The following TNRC6B variants were observed in gnomAD, a reference collection of about 807,000 sequenced individuals.
TNRC6B encodes trinucleotide repeat-containing gene 6B protein.
A neutral mutation model predicts 203.6 loss-of-function variants in TNRC6B; 52 were observed. The observed-to-expected ratio is 0.26, with a 90% CI of 0.20 to 0.32. The LOEUF (loss-of-function observed/expected upper bound fraction) is 0.32, where lower values mean the gene tolerates loss of function less well. TNRC6B is among the 10% of genes least tolerant of loss of function. The pLI is 1.00. For missense variants in TNRC6B, 1,923 were observed against 2,286.2 expected (o/e 0.84, Z 3.24); for synonymous variants, 838 against 845.7 (o/e 0.99, Z 0.16).
At chr22:40,130,794 A>C (rs1006323413) in intron 3 of TNRC6B, among the ~76,000 whole-genome samples, 3 of 151,682 alleles carry the variant, frequency 2.0e-5, no homozygotes, top group Admixed American at 6.6e-5. Flanking sequence ...AAAAAAAAAA[A>C]AAAAAAAAAT....
intron 1 of TNRC6B, among the ~76,000 whole-genome samples, chr22:40,084,608 G>A (rs920683152): frequency 6.6e-6 from 1 of 152,190 alleles, no homozygotes; most frequent in African/African-American, 2.4e-5. Context: ...CTGAGGAGGT[G>A]CTATTTATGC....
chr22:40,069,177 A>AT (rs1402443180), intron 1 of TNRC6B, among the ~76,000 whole-genome samples: 1 of 152,084 alleles, frequency 6.6e-6, no homozygotes, highest in Non-Finnish European at 1.5e-5. Flanking sequence ...GCCCCACTGC[A>AT]TGCAGCCTCA....
At chr22:40,158,213 C>A (rs563651008) in intron 4 of TNRC6B, among the ~76,000 whole-genome samples, 1 of 152,112 alleles carries the variant, frequency 6.6e-6, no homozygotes, top group South Asian at 2.1e-4. Flanking sequence ...GTGGCACACG[C>A]CTGTAATCCC....
rs539885453 is a variant in TNRC6B at position 40,060,754 on chromosome 22, G to A, written c.-121+15756G>A. On this transcript the variant is annotated intron_variant, in intron 1 of 23. Coordinates refer to the TNRC6B transcript ENST00000301923. Reference sequence around the variant, plus strand: ...AAGTCTTTTCCCAGTAGAACATACAGGACACACTTAATTCCCCCAGGAACA... The same window carrying A: ...AAGTCTTTTCCCAGTAGAACATACAAGACACACTTAATTCCCCCAGGAACA... 3.5e-4 allele frequency among the ~76,000 whole-genome samples: 53 copies of A among 152,312 alleles called. No homozygotes were observed. The South Asian group carries it at 0.011, about 31-fold the overall frequency.
At chr22:40,268,022 C>G (rs2070504775) in intron 5 of TNRC6B, among the ~76,000 whole-genome samples, 1 of 152,190 alleles carries the variant, frequency 6.6e-6, no homozygotes, top group African/African-American at 2.4e-5. Context: ...CCCTATAGAG[C>G]ATATAGTTCA....
intron 9 of TNRC6B, among the ~76,000 whole-genome samples, chr22:40,278,366 T>C (rs2146519276): frequency 6.6e-6 from 1 of 152,186 alleles, no homozygotes; most frequent in East Asian, 1.9e-4. Flanking sequence ...GAGACCATCC[T>C]GGCCTACATG....
chr22:40,174,292 G>C (rs746195669), upstream of TNRC6B, among the ~76,000 whole-genome samples: 12 of 151,860 alleles, frequency 7.9e-5, no homozygotes, highest in Non-Finnish European at 1.5e-4. Context: ...TGATTCTTGA[G>C]CCTCAGCCTG....
At chr22:40,221,466 A>C (rs1387098706) in intron 1 of TNRC6B, among the ~76,000 whole-genome samples, 1 of 152,046 alleles carries the variant, frequency 6.6e-6, no homozygotes, top group East Asian at 1.9e-4. Flanking sequence ...TTGAGACAAG[A>C]TCTTGCTTGG....
At chr22:40,069,745 C>T (rs2067930801) in intron 1 of TNRC6B, among the ~76,000 whole-genome samples, 2 of 152,130 alleles carry the variant, frequency 1.3e-5, no homozygotes, top group Admixed American at 6.5e-5. Flanking sequence ...CCTCGGCCTC[C>T]CAAAAGTGCT....
rs2069081998 is a variant in TNRC6B, at chr22:40,177,931, A to C, written c.-205A>C. 2 of 1,356,660 alleles carry C rather than the reference A, an allele frequency of 1.5e-6. No homozygotes were observed. The highest frequency in any genetic ancestry group is 1.9e-5 in the South Asian group (1 of 51,364). 84.0% of individuals were successfully genotyped at this position (1,356,660 alleles called of 1,614,324 possible). On this transcript the variant is annotated 5_prime_UTR_variant, in exon 1 of 23. Transcript: ENST00000454349. Reference sequence around the variant, plus strand: ...ACAAAAAGCTGCTTCCTTTAGAGACAGAGAGGGAGAGAGAGAGCAAGAGGG... The same window carrying C: ...ACAAAAAGCTGCTTCCTTTAGAGACCGAGAGGGAGAGAGAGAGCAAGAGGG...
intron 13 of TNRC6B, 63 bp from the exon 14 acceptor site, chr22:40,300,847 G>A (rs1003488774): frequency 6.7e-7 from 1 of 1,501,134 alleles, no homozygotes; most frequent in East Asian, 2.3e-5. Flanking sequence ...AGACCCTTTA[G>A]GTGTCCTCAG....
chr22:40,046,527 A>G (rs1225478789), intron 1 of TNRC6B, among the ~76,000 whole-genome samples: 1 of 152,144 alleles, frequency 6.6e-6, no homozygotes, highest in Admixed American at 6.5e-5. Context: ...GGTTTCTGAT[A>G]GGAATTCCGT....
chr22:40,252,058 T>C (rs2070203469), intron 3 of TNRC6B, among the ~76,000 whole-genome samples: 1 of 152,236 alleles, frequency 6.6e-6, no homozygotes, highest in Non-Finnish European at 1.5e-5. Flanking sequence ...TGTTTTGGCT[T>C]CTTGCTCGCC....
chr22:40,045,084 C>A (rs2067674549), intron 1 of TNRC6B: 3 of 144,260 alleles, frequency 2.1e-5, no homozygotes, highest in Admixed American at 2.0e-4. Flanking sequence ...TCGGCGAGGG[C>A]GCCCCCGGGG....
At chr22:40,088,189 G>A (rs2068117103) in intron 1 of TNRC6B, among the ~76,000 whole-genome samples, 1 of 152,048 alleles carries the variant, frequency 6.6e-6, no homozygotes, top group African/African-American at 2.4e-5. Flanking sequence ...TTATAAGGTG[G>A]ATATTTACTA....
chr22:40,325,090 A>G lies in TNRC6B; in HGVS notation c.*1849A>G, dbSNP rs1601526237. On this transcript the variant is annotated 3_prime_UTR_variant, in exon 23 of 23. Coordinates refer to ENST00000454349, the MANE Select transcript of TNRC6B (RefSeq NM_001162501.2). ...CACTTGTGTGGACATCCCAGTCTGC[A>G]TTATGCTGTTTAACATAAAGTGCCG... The G allele has an allele frequency of 1.3e-5, 2 of 152,662 alleles. No homozygotes were observed. The highest frequency in any genetic ancestry group is 4.1e-4 in the South Asian group (2 of 4,832). The allele number at this position is 152,662 out of a possible 1,614,324, so 9.5% of individuals were successfully genotyped here.
chr22:40,261,755 TA>T, intron 3 of TNRC6B, 76 bp from the exon 4 acceptor site: 1 of 1,217,402 alleles, frequency 8.2e-7, no homozygotes, highest in Non-Finnish European at 1.1e-6. Context: ...AATAAAATAA[TA>T]AAATTATTTT....
intron 1 of TNRC6B, among the ~76,000 whole-genome samples, chr22:40,206,874 A>G (rs1275983612): frequency 2.0e-5 from 3 of 152,202 alleles, no homozygotes; most frequent in East Asian, 1.9e-4. Flanking sequence ...GATACTTCAT[A>G]TGGATTGCGT....
chr22:40,104,166 A>C (rs961301129), intron 1 of TNRC6B, among the ~76,000 whole-genome samples: 6 of 152,024 alleles, frequency 3.9e-5, no homozygotes, highest in Admixed American at 1.3e-4. Context: ...CAGGAGAATC[A>C]CTTGAACTCA....
Sources: allele counts gnomAD v4.1 joint callset (sites outside exome capture counted in the v4.1 genomes callset), GRCh38; gene constraint gnomAD v4.1.1; transcripts MANE v1.5; gene names NCBI Gene and HGNC (gene_info 2026-07-23, HGNC 2026-07-21).